The following TRIB3 variants were observed in gnomAD, a reference collection of about 807,000 sequenced individuals.
TRIB3 encodes tribbles pseudokinase 3.
In TRIB3, 20 loss-of-function variants were observed where a neutral mutation model predicts 16.6. That is an observed-to-expected ratio of 1.20 (90% CI 0.85 to 1.75). The LOEUF is 1.75. TRIB3 is among the 40% of genes most tolerant of loss of function. The probability of loss-of-function intolerance (pLI) is 0.00; values close to 1 mark genes in which losing one functional copy is unlikely to be tolerated. For missense variants in TRIB3, 484 were observed against 488.9 expected (o/e 0.99, Z 0.10); for synonymous variants, 208 against 217.0 (o/e 0.96, Z 0.36).
In TRIB3 at chr20:388,268, G is replaced by A. The variant is rs1445285221; in HGVS notation, c.258G>A (p.Leu86=). 5.0e-6 allele frequency: 8 copies of A among 1,612,980 alleles called. No homozygotes were observed. In the African/African-American group the frequency reaches 8.0e-5, roughly 16 times the overall value. ...PEEGGRAYQA[L]HCPTGTEYTC... ...AGGGCGGGCGGGCCTACCAGGCCCT[G>A]CACTGCCCTACAGGCACTGAGTATA... Residue 86 remains leucine, a synonymous_variant, in exon 2 of 4, where the codon CTG becomes CTA. Transcript: ENST00000217233.
rs1276477546 is a variant in TRIB3, at chr20:397,362, A to C, written c.*672A>C. ...TCTGGAATGAGGGTCCAGGCCTGTCAACCATGGGGCTTCTGACCTGAGCAC... is the reference window on the plus strand; with the variant it reads ...TCTGGAATGAGGGTCCAGGCCTGTCCACCATGGGGCTTCTGACCTGAGCAC... On this transcript the variant is annotated 3_prime_UTR_variant, in exon 4 of 4. Coordinates refer to ENST00000217233, the MANE Select transcript of TRIB3 (RefSeq NM_021158.5). 6.6e-6 allele frequency: 1 copy of C among 152,206 alleles called. No individual in the cohort carries two copies. The highest frequency in any genetic ancestry group is 1.5e-5 in the Non-Finnish European group (1 of 68,076). The allele number at this position is 152,206 out of a possible 1,614,324, so 9.4% of individuals were successfully genotyped here. A position where few individuals can be genotyped will look rare whatever the true frequency, so the allele number is the denominator to read the frequency against.
In TRIB3 at chr20:396,558, G is replaced by T. The variant is rs2122711795; in HGVS notation, c.945G>T (p.Leu315=). The part of the protein sequence containing the change: ...TATGILLHPW[L]RQDPMPLAPT... ...CAGGCATCCTCCTGCACCCCTGGCTGCGACAGGACCCGATGCCCTTAGCCC... is the reference window on the plus strand; with the variant it reads ...CAGGCATCCTCCTGCACCCCTGGCTTCGACAGGACCCGATGCCCTTAGCCC... Residue 315 remains leucine, a synonymous_variant, in exon 4 of 4, where the codon CTG becomes CTT. Transcript: ENST00000217233. The T allele has an allele frequency of 6.2e-7, 1 of 1,613,164 alleles. No homozygotes were observed. The highest frequency in any genetic ancestry group is 2.2e-5 in the East Asian group (1 of 44,884).
In TRIB3 at chr20:396,633, G is replaced by T; in HGVS notation, c.1020G>T (p.Leu340=). 1 of 1,612,964 alleles carries T rather than the reference G, an allele frequency of 6.2e-7. No homozygotes were observed. The highest frequency in any genetic ancestry group is 2.2e-5 in the East Asian group (1 of 44,868). ...CTGCCCAGGTGGTCCCTGATGGACT[G>T]GGGCTGGACGAAGCCAGGGAAGAGG... ...WEAAQVVPDG[L]GLDEAREEEG... is the part of the protein sequence containing the mutation. The change falls in exon 4 of 4, where the codon CTG becomes CTT. Residue 340 remains leucine (L), a synonymous_variant. Coordinates refer to ENST00000217233, the MANE Select transcript of TRIB3 (RefSeq NM_021158.5).
rs1410168214 is a variant in TRIB3, at chr20:381,026, C to A, written c.-144C>A. On this transcript the variant is annotated 5_prime_UTR_variant, in exon 1 of 4. Coordinates refer to ENST00000217233, the MANE Select transcript of TRIB3 (RefSeq NM_021158.5). ...GCGGAAGTGGAGGCGGCTCCGCGCG[C>A]GTCCGCTGCTAGGACCCGGGCAGGG... 1 of 148,956 alleles carries A rather than the reference C, an allele frequency of 6.7e-6. No homozygotes were observed. Among genetic ancestry groups the A allele is most frequent in the Admixed American group, 6.7e-5 (1 of 14,918 alleles). The allele number at this position is 148,956 out of a possible 1,614,324, so 9.2% of individuals were successfully genotyped here.
In TRIB3 at chr20:397,357, C is replaced by G. The variant is rs530749662; in HGVS notation, c.*667C>G. The G allele has an allele frequency of 6.6e-6, 1 of 152,374 alleles. No individual in the cohort carries two copies. Among genetic ancestry groups the G allele is most frequent in the Non-Finnish European group, 1.5e-5 (1 of 68,098 alleles). 9.4% of individuals were successfully genotyped at this position (152,374 alleles called of 1,614,324 possible). A position where few individuals can be genotyped will look rare whatever the true frequency, so the allele number is the denominator to read the frequency against. On this transcript the variant is annotated 3_prime_UTR_variant, in exon 4 of 4. Transcript: ENST00000217233. ...ACTGTTCTGGAATGAGGGTCCAGGC[C>G]TGTCAACCATGGGGCTTCTGACCTG...
Position 385,261 on chromosome 20 carries a change from T to TACCC in TRIB3, c.1-2750_1-2749insACCC, listed in dbSNP as rs1568532543. Among the ~76,000 whole-genome samples, 57 of 151,810 alleles carry TACCC rather than the reference T, an allele frequency of 3.8e-4. 1 individual carries two copies. Among genetic ancestry groups the TACCC allele is most frequent in the African/African-American group, 1.4e-3 (57 of 41,276 alleles). On this transcript the variant is annotated intron_variant, in intron 1 of 3. Coordinates refer to ENST00000217233, the MANE Select transcript of TRIB3 (RefSeq NM_021158.5). ...CTGAGTAGCTGGGATTACAGGCGTG[T>TACCC]GCCACCACGCCCGGCTAATTTTTGT...
chr20:383,854 C>A (rs139077493), intron 1 of TRIB3, among the ~76,000 whole-genome samples: 67 of 152,284 alleles, frequency 4.4e-4, no homozygotes, highest in African/African-American at 1.6e-3. Flanking sequence ...ACAGTATAAA[C>A]CCACTTTTCA....
Position 388,024 on chromosome 20 carries a change from C to T in TRIB3, c.14C>T (p.Pro5Leu). The change falls in exon 2 of 4, where the codon CCT (proline) becomes CTT (leucine). Residue 5 changes from proline to leucine, a missense_variant. Physicochemically the swap from Pro to Leu is moderately conservative, Grantham distance 98 (BLOSUM62 -3). Transcript: ENST00000217233. MRAT[P>L]LAAPAGSLSR... ...CCTTTTTACCAGATGCGAGCCACCC[C>T]TCTGGCTGCTCCTGCGGGTTCCCTG... is the stretch of plus-strand genomic sequence containing the variant. 6.2e-7 allele frequency: 1 copy of T among 1,613,240 alleles called. No individual in the cohort carries two copies. The highest frequency in any genetic ancestry group is 8.5e-7 in the Non-Finnish European group (1 of 1,179,240).
intron 3 of TRIB3, among the ~76,000 whole-genome samples, chr20:395,162 CTT>C (rs11470607): frequency 0.023 from 3,409 of 145,342 alleles, 128 homozygotes; most frequent in African/African-American, 0.079. Flanking sequence ...GCAGGACACA[CTT>C]TTTTTTTTTT....
intron 3 of TRIB3, among the ~76,000 whole-genome samples, chr20:393,616 C>T (rs1370301674): frequency 6.6e-6 from 1 of 152,214 alleles, no homozygotes; most frequent in African/African-American, 2.4e-5. Context: ...TGCTCCTGGC[C>T]ATAACCTTGA....
intron 2 of TRIB3, among the ~76,000 whole-genome samples, chr20:390,810 T>C (rs8124812): frequency 0.039 from 5,891 of 152,112 alleles, 322 homozygotes; most frequent in African/African-American, 0.12. Flanking sequence ...GAGACCAGCT[T>C]AGCCAACATG....
intron 2 of TRIB3, among the ~76,000 whole-genome samples, chr20:389,778 A>G (rs1020286987): frequency 6.6e-6 from 1 of 152,212 alleles, no homozygotes; most frequent in Non-Finnish European, 1.5e-5. Context: ...CCACTGGAAC[A>G]TACTCACCCC....
At chr20:381,326 C>G (rs551704838) in intron 1 of TRIB3, 157 bp downstream of exon 1, 1 of 152,368 alleles carries the variant, frequency 6.6e-6, no homozygotes, top group East Asian at 1.9e-4. Flanking sequence ...ACCCCGCCGT[C>G]GGGGCGCGGC....
At position 386,982 on chromosome 20, in the gene TRIB3, G is replaced by A. The variant is rs545372243; in HGVS notation, c.1-1029G>A. On this transcript the variant is annotated intron_variant, in intron 1 of 3. Transcript: ENST00000217233. ...TGGCCAGGCTGGTCTTGAACTCCCA[G>A]CCTCATGATTCGCCCACCTTGGCCT... Among the ~76,000 whole-genome samples the A allele has an allele frequency of 4.7e-3, 704 of 150,082 alleles. 8 individuals carry two copies. The highest frequency in any genetic ancestry group is 0.013 in the South Asian group (60 of 4,728).
At chr20:382,597 G>A (rs1345800933) in intron 1 of TRIB3, 4 of 1,534,314 alleles carry the variant, frequency 2.6e-6, no homozygotes, top group African/African-American at 2.7e-5. Context: ...TGCTAATAAT[G>A]ACCATTTCCT....
intron 2 of TRIB3, among the ~76,000 whole-genome samples, chr20:390,526 T>C (rs1414698336): frequency 6.6e-6 from 1 of 152,148 alleles, no homozygotes; most frequent in Non-Finnish European, 1.5e-5. Context: ...GCCAGCATAC[T>C]GAATGAATGA....
chr20:388,925 CGTGAA>C (rs1347599625), intron 2 of TRIB3, among the ~76,000 whole-genome samples: 1 of 152,014 alleles, frequency 6.6e-6, no homozygotes, highest in Non-Finnish European at 1.5e-5. Context: ...AAGGGCCATG[CGTGAA>C]GTCACATAGC....
At position 380,920 on chromosome 20, in the gene TRIB3, C is replaced by G. The variant is rs971037222; in HGVS notation, c.-250C>G. 1.1e-4 allele frequency: 17 copies of G among 149,686 alleles called. No individual in the cohort carries two copies. The highest frequency in any genetic ancestry group is 2.2e-4 in the Non-Finnish European group (15 of 67,878). The allele number at this position is 149,686 out of a possible 1,614,324, so 9.3% of individuals were successfully genotyped here. A position where few individuals can be genotyped will look rare whatever the true frequency, so the allele number is the denominator to read the frequency against. ...CATCACCCGGACCGGGGGATTAGCT[C>G]CGGTTTGCATCACCCGGACCGGGGG... is the stretch of plus-strand genomic sequence containing the variant. On this transcript the variant is annotated 5_prime_UTR_variant, in exon 1 of 4. Transcript: ENST00000217233.
chr20:396,580 G>C lies in TRIB3; in HGVS notation c.967G>C (p.Ala323Pro). The stretch of plus-strand genomic sequence containing the variant: ...GCTGCGACAGGACCCGATGCCCTTA[G>C]CCCCAACCCGATCCCATCTCTGGGA... ...PWLRQDPMPL[A>P]PTRSHLWEAA... The change falls in exon 4 of 4, where the codon GCC becomes CCC. Residue 323 changes from alanine (A) to proline (P), a missense_variant. Physicochemically the swap from Ala to Pro is conservative, Grantham distance 27. Transcript: ENST00000217233. 10 of 1,613,146 alleles carry C rather than the reference G, an allele frequency of 6.2e-6. No homozygotes were observed. The highest frequency in any genetic ancestry group is 8.5e-6 in the Non-Finnish European group (10 of 1,180,022).
Sources: gnomAD v4.1 joint callset for allele counts (sites outside exome capture counted in the v4.1 genomes callset) on GRCh38, gnomAD v4.1.1 for gene constraint, MANE v1.5 for transcripts, NCBI Gene and HGNC (gene_info 2026-07-23, HGNC 2026-07-21) for gene names.